The following TRPC5 variants were observed in gnomAD, a reference collection of about 807,000 sequenced individuals.
TRPC5 encodes short transient receptor potential channel 5.
TRPC5 carries 9 observed loss-of-function variants against 56.5 expected under a neutral mutation model. The ratio of observed to expected loss-of-function variants is 0.16; its 90% CI spans 0.10 to 0.28. TRPC5 has a LOEUF of 0.28. TRPC5 is among the 10% of genes least tolerant of loss of function. The pLI is 1.00. For missense variants in TRPC5, 469 were observed against 748.9 expected (o/e 0.63, Z 4.36); for synonymous variants, 282 against 278.5 (o/e 1.01, Z -0.13).
Position 112,029,147 on chromosome X carries a change from C to T in TRPC5, c.-22+52732G>A, listed in dbSNP as rs142666265. Among the ~76,000 whole-genome samples, 205 of 108,301 alleles carry T rather than the reference C, an allele frequency of 1.9e-3. 2 individuals carry two copies. The East Asian group carries it at 0.045, about 24-fold the overall frequency. 94.0% of individuals were successfully genotyped at this position (108,301 alleles called of 115,157 possible). A position where few individuals can be genotyped will look rare whatever the true frequency, so the allele number is the denominator to read the frequency against. The stretch of plus-strand genomic sequence containing the variant: ...CCACCCTCCCTCCAACCCCCCGTTA[C>T]CCTTCCCAGCCTCTGGTAATCATCC... On this transcript the variant is annotated intron_variant, in intron 1 of 10. Transcript: ENST00000262839.
chrX:111,926,963 T>C (rs1472657928), intron 2 of TRPC5, among the ~76,000 whole-genome samples: 1 of 112,271 alleles, frequency 8.9e-6, no homozygotes, highest in Non-Finnish European at 1.9e-5. Context: ...TGCGTCAGTA[T>C]AATGTAAATG....
At chrX:111,877,514 GGTAT>G (rs1208500932) in intron 3 of TRPC5, among the ~76,000 whole-genome samples, 2 of 111,078 alleles carry the variant, frequency 1.8e-5, no homozygotes, top group Non-Finnish European at 3.8e-5. Context: ...TTGGATTTGA[GGTAT>G]GTATGGATGG....
At chrX:111,849,588 G>T (rs945930243) in intron 5 of TRPC5, among the ~76,000 whole-genome samples, 1 of 112,124 alleles carries the variant, frequency 8.9e-6, no homozygotes, top group Non-Finnish European at 1.9e-5. Flanking sequence ...AGAGCCTGGG[G>T]GTTCAATGGA....
intron 7 of TRPC5, among the ~76,000 whole-genome samples, chrX:111,821,910 G>A (rs930324159): frequency 4.5e-5 from 5 of 111,118 alleles, no homozygotes; most frequent in Non-Finnish European, 7.5e-5. Context: ...TTTTGCTTTA[G>A]GTTCCGGGGT....
At position 112,053,408 on chromosome X, in the gene TRPC5, G is replaced by A. The variant is rs1206868035; in HGVS notation, c.-22+28471C>T. Among the ~76,000 whole-genome samples, 3 of 111,772 alleles carry A rather than the reference G, an allele frequency of 2.7e-5. No individual in the cohort carries two copies. In the Admixed American group the frequency reaches 2.9e-4, roughly 11 times the overall value. On this transcript the variant is annotated intron_variant, in intron 1 of 10. Coordinates refer to ENST00000262839, the MANE Select transcript of TRPC5 (RefSeq NM_012471.3). ...GCCTATGTTTCGGTGTTGTAGTGAGGACTAACTGAAGTTCTGTATGCTTAG... is the reference window on the plus strand; with the variant it reads ...GCCTATGTTTCGGTGTTGTAGTGAGAACTAACTGAAGTTCTGTATGCTTAG...
chrX:111,805,312 C>CT (rs1192531089), intron 7 of TRPC5, among the ~76,000 whole-genome samples: 6 of 111,445 alleles, frequency 5.4e-5, no homozygotes, highest in Non-Finnish European at 1.1e-4. Flanking sequence ...CTAAAATTCT[C>CT]TTTTTTTGTT....
At chrX:111,828,062 T>C (rs1009188644) in intron 7 of TRPC5, among the ~76,000 whole-genome samples, 7 of 112,146 alleles carry the variant, frequency 6.2e-5, no homozygotes, top group South Asian at 3.7e-4. Flanking sequence ...AGTTCATTTA[T>C]GTTGTTTATA....
chrX:112,069,355 T>G (rs1333639521), intron 1 of TRPC5, among the ~76,000 whole-genome samples: 2 of 111,802 alleles, frequency 1.8e-5, no homozygotes, highest in Non-Finnish European at 3.8e-5. Flanking sequence ...TATCTGAATG[T>G]AAACTGGCAC....
chrX:111,917,929 A>G (rs1259425548), intron 2 of TRPC5, among the ~76,000 whole-genome samples: 1 of 112,789 alleles, frequency 8.9e-6, no homozygotes, highest in Non-Finnish European at 1.9e-5. Flanking sequence ...CTAGCTTTTA[A>G]AACAAGGCTT....
intron 2 of TRPC5, among the ~76,000 whole-genome samples, chrX:111,943,759 C>T (rs1926845526): frequency 1.8e-5 from 2 of 111,940 alleles, no homozygotes; most frequent in South Asian, 3.7e-4. Flanking sequence ...ACTTTGAGGT[C>T]GTGCAGATTG....
intron 1 of TRPC5, among the ~76,000 whole-genome samples, chrX:111,970,189 T>C (rs1228263400): frequency 9.0e-6 from 1 of 111,593 alleles, no homozygotes; most frequent in Non-Finnish European, 1.9e-5. Context: ...ACTAGGGCCC[T>C]GATATTTCCA....
At chrX:111,898,853 C>T (rs1478663590) in intron 3 of TRPC5, among the ~76,000 whole-genome samples, 4 of 109,835 alleles carry the variant, frequency 3.6e-5, no homozygotes, top group Non-Finnish European at 5.7e-5. Context: ...CAGAATGACA[C>T]GAAATCATTC....
intron 1 of TRPC5, among the ~76,000 whole-genome samples, chrX:112,065,378 G>C (rs771041634): frequency 1.3e-4 from 14 of 111,571 alleles, no homozygotes; most frequent in Admixed American, 5.7e-4. Flanking sequence ...AGAAAACTGG[G>C]AGTCATTCTT....
intron 2 of TRPC5, among the ~76,000 whole-genome samples, chrX:111,941,015 C>G (rs1411760761): frequency 8.9e-6 from 1 of 112,025 alleles, no homozygotes; most frequent in Non-Finnish European, 1.9e-5. Flanking sequence ...AAGTCTCCAC[C>G]CTAAAATGAA....
intron 2 of TRPC5, among the ~76,000 whole-genome samples, chrX:111,913,787 C>T (rs766749492): frequency 1.6e-3 from 181 of 110,435 alleles, no homozygotes; most frequent in Non-Finnish European, 2.8e-3. Context: ...GGTGAAACCC[C>T]GTCTCTACTA....
rs141746478 is a variant in TRPC5 at position 111,933,015 on chromosome X, A to G, written c.378+19028T>C. ...TCTTCTTTCTGCTGTTCCAGCTCAA[A>G]GACTATTTATTTTCTGAAACGTTCC... On this transcript the variant is annotated intron_variant, in intron 2 of 10. Coordinates refer to ENST00000262839, the MANE Select transcript of TRPC5 (RefSeq NM_012471.3). 4.1e-3 allele frequency among the ~76,000 whole-genome samples: 457 copies of G among 112,197 alleles called. 2 individuals carry two copies. Among genetic ancestry groups the G allele is most frequent in the African/African-American group, 0.014 (436 of 30,918 alleles).
At chrX:111,781,021 C>T in intron 9 of TRPC5, 144 bp downstream of exon 9, 7 of 599,083 alleles carry the variant, frequency 1.2e-5, no homozygotes, top group Non-Finnish European at 2.0e-5. Context: ...GAAGGTACTT[C>T]AGCCCTTGAT....
chrX:111,952,044 T>G lies in TRPC5; in HGVS notation c.377A>C (p.Gln126Pro). The G allele has an allele frequency of 8.3e-7, 1 of 1,202,650 alleles. No individual in the cohort carries two copies. The highest frequency in any genetic ancestry group is 1.1e-6 in the Non-Finnish European group (1 of 890,256). ...CCAGCCTATAGGAATTTCTCTTACC[T>G]GCTTCTCTCCGCTGGGCCGCCTGTA... ...LSYRRPSGEK[Q>P]VPTLMMDTQF... The change falls in exon 2 of 11, where the codon CAG becomes CCG. Residue 126 changes from glutamine to proline, a missense_variant and splice_region_variant. Gln to Pro is a moderately conservative substitution (Grantham distance 76, BLOSUM62 -1). Transcript: ENST00000262839.
chrX:112,017,306 C>T (rs1188980559), intron 1 of TRPC5, among the ~76,000 whole-genome samples: 4 of 111,284 alleles, frequency 3.6e-5, no homozygotes, highest in Non-Finnish European at 7.5e-5. Flanking sequence ...AGCCACCGCG[C>T]CCAGCCACGA....
Sources: gnomAD v4.1 joint callset for allele counts (sites outside exome capture counted in the v4.1 genomes callset) on GRCh38, gnomAD v4.1.1 for gene constraint, MANE v1.5 for transcripts, NCBI Gene and HGNC (gene_info 2026-07-23, HGNC 2026-07-21) for gene names.